TUBGCP2: variants seen among roughly 807,000 people sequenced by gnomAD.
TUBGCP2 encodes gamma-tubulin complex component 2.
A neutral mutation model predicts 92.2 loss-of-function variants in TUBGCP2; 55 were observed. The ratio of observed to expected loss-of-function variants is 0.60; its 90% CI spans 0.48 to 0.75. The LOEUF is 0.75. TUBGCP2 is among the 30% of genes least tolerant of loss of function. The pLI, the probability that TUBGCP2 is intolerant of heterozygous loss-of-function variation, is 0.00. For missense variants in TUBGCP2, 1,093 were observed against 1,188.9 expected (o/e 0.92, Z 1.19); for synonymous variants, 533 against 505.2 (o/e 1.06, Z -0.74).
Position 133,283,236 on chromosome 10 carries a change from C to T in TUBGCP2, c.2146-15G>A. On this transcript the variant is annotated splice_polypyrimidine_tract_variant and intron_variant, in intron 14 of 17. Coordinates refer to ENST00000252936, the MANE Select transcript of TUBGCP2 (RefSeq NM_006659.4). ...ATGTTGGAGGCCTGCGGGGAACAGG[C>T]CAAGCCCCTTCTCAGAAAGACGTGG... 1.2e-6 allele frequency: 2 copies of T among 1,613,748 alleles called. No homozygotes were observed. The highest frequency in any genetic ancestry group is 1.7e-6 in the Non-Finnish European group (2 of 1,179,690).
At position 133,293,059 on chromosome 10, in the gene TUBGCP2, A is replaced by G; in HGVS notation, c.1004T>C (p.Met335Thr). 1 of 1,613,394 alleles carries G rather than the reference A, an allele frequency of 6.2e-7. No individual in the cohort carries two copies. The change falls in exon 7 of 18, where the codon ATG becomes ACG. Residue 335 changes from methionine to threonine, a missense_variant. Coordinates refer to ENST00000252936, the MANE Select transcript of TUBGCP2 (RefSeq NM_006659.4). The stretch of plus-strand genomic sequence containing the variant: ...CGCACCGAGGGAGGCCAGGATGTCC[A>G]TGGTGCGCATGGCTGGCTGGATGTA... ...WFYIQPAMRT[M>T]DILASLATSV...
At chr10:133,284,564 T>C (rs1847081263) in intron 13 of TUBGCP2, among the ~76,000 whole-genome samples, 2 of 152,192 alleles carry the variant, frequency 1.3e-5, no homozygotes, top group Non-Finnish European at 2.9e-5. Flanking sequence ...TCTTGTTACA[T>C]TGTCCAGGCG....
At chr10:133,312,221 CTG>C, upstream of TUBGCP2, 2 of 1,384,680 alleles carry the variant, frequency 1.4e-6, no homozygotes, top group Non-Finnish European at 1.9e-6. Flanking sequence ...CTAGCGTCAC[CTG>C]TGCCGTCTGC....
chr10:133,291,948 TCC>T (rs1191399980), intron 8 of TUBGCP2, among the ~76,000 whole-genome samples: 27 of 18,722 alleles, frequency 1.4e-3, no homozygotes, highest in Admixed American at 2.8e-3. Flanking sequence ...TCCGTGTCCC[TCC>T]GTGTCCCCGT....
chr10:133,311,549 C>T, upstream of TUBGCP2: 1 of 604,522 alleles, frequency 1.7e-6, no homozygotes, highest in Non-Finnish European at 2.9e-6. Flanking sequence ...AATCATTCTC[C>T]TTTTCCCAGT....
At chr10:133,280,002 T>C in intron 17 of TUBGCP2, 101 bp from the exon 18 acceptor site, 1 of 1,503,108 alleles carries the variant, frequency 6.7e-7, no homozygotes, top group South Asian at 1.3e-5. Flanking sequence ...TGCACACCCC[T>C]TCTGCGGGTG....
upstream of TUBGCP2, chr10:133,312,087 T>C: frequency 6.9e-7 from 1 of 1,455,874 alleles, no homozygotes; most frequent in Non-Finnish European, 9.0e-7. Flanking sequence ...TCACTTTTCC[T>C]CATTGTCTGA....
At chr10:133,288,739 C>A in intron 10 of TUBGCP2, 101 bp downstream of exon 10, 1 of 1,329,740 alleles carries the variant, frequency 7.5e-7, no homozygotes, top group African/African-American at 1.5e-5. Context: ...AAAGACAAGG[C>A]GGAGCTGCCA....
intron 8 of TUBGCP2, among the ~76,000 whole-genome samples, chr10:133,291,259 TCCGTGTCCCCCATGTCCCTCCGTGTCC>T (rs1847286323): frequency 1.4e-5 from 1 of 69,142 alleles, no homozygotes; most frequent in South Asian, 3.8e-4. Context: ...CCCATGTCCC[TCCGTGTCCCCCATGTCCCTCCGTGTCC>T]CTGTGTCCCG....
chr10:133,309,137 G>C (rs1847921111), upstream of TUBGCP2: 1 of 1,385,604 alleles, frequency 7.2e-7, no homozygotes, highest in Non-Finnish European at 9.4e-7. Context: ...GTAGGATCCA[G>C]TGGGGCCTAC....
Position 133,279,836 on chromosome 10 carries a change from G to T in TUBGCP2, c.2639C>A (p.Ala880Asp). Residue 880 changes from alanine (A) to aspartate (D), a missense_variant, in exon 18 of 18, where the codon GCC becomes GAC. Around this residue, in one of 3 missense-constraint regions of TUBGCP2, gnomAD observed 598 missense variants for 675.5 expected, o/e 0.89. Transcript: ENST00000252936. Reference protein sequence around the residue: ...ERLSAERSQKATPQVPVLRGP... With the variant: ...ERLSAERSQKDTPQVPVLRGP... ...CCGCAGGACAGGCACTTGGGGGGTG[G>T]CCTTCTGGCTCCTCTCTGCAGACAG... 1 of 1,597,396 alleles carries T rather than the reference G, an allele frequency of 6.3e-7. No individual in the cohort carries two copies. The highest frequency in any genetic ancestry group is 8.5e-7 in the Non-Finnish European group (1 of 1,173,086).
At chr10:133,307,409 A>G (rs1564776006) in intron 1 of TUBGCP2, among the ~76,000 whole-genome samples, 3 of 152,266 alleles carry the variant, frequency 2.0e-5, no homozygotes. Flanking sequence ...CGTGAAAAAG[A>G]GTCTCTGTTG....
chr10:133,283,141 G>A lies in TUBGCP2; in HGVS notation c.2226C>T (p.Pro742=), dbSNP rs375472939. ...GCTTGGAGAAGACCTTCAGCAGCTCGGGGTTGGTGAGCATGCAGTCCTTCA... is the reference window on the plus strand; with the variant it reads ...GCTTGGAGAAGACCTTCAGCAGCTCAGGGTTGGTGAGCATGCAGTCCTTCA... The part of the protein sequence containing the change: ...TCLKDCMLTN[P]ELLKVFSKLM... Residue 742 remains proline (P), a synonymous_variant, in exon 15 of 18, where the codon CCC becomes CCT. Transcript: ENST00000252936. 17 of 1,614,124 alleles carry A rather than the reference G, an allele frequency of 1.1e-5. No homozygotes were observed. Among genetic ancestry groups the A allele is most frequent in the East Asian group, 4.5e-5 (2 of 44,902 alleles).
chr10:133,279,053 C>T lies in TUBGCP2; in HGVS notation c.*713G>A, dbSNP rs976168705. On this transcript the variant is annotated 3_prime_UTR_variant, in exon 18 of 18. Transcript: ENST00000252936. ...GTGGGAAGACAGGGCAGATGATCGCCCGAGGGGGATTGGGTGTCAGTCTGC... is the reference window on the plus strand; with the variant it reads ...GTGGGAAGACAGGGCAGATGATCGCTCGAGGGGGATTGGGTGTCAGTCTGC... 6.6e-6 allele frequency: 1 copy of T among 152,322 alleles called. No homozygotes were observed. Among genetic ancestry groups the T allele is most frequent in the East Asian group, 1.9e-4 (1 of 5,194 alleles). The allele number at this position is 152,322 out of a possible 1,614,324, so 9.4% of individuals were successfully genotyped here.
chr10:133,283,554 C>T (rs937621620), intron 14 of TUBGCP2, among the ~76,000 whole-genome samples: 8 of 152,220 alleles, frequency 5.3e-5, no homozygotes, highest in South Asian at 2.1e-4. Flanking sequence ...CAGAGTCCCC[C>T]TAGGACGGCA....
At chr10:133,287,494 C>A (rs1847159464) in intron 11 of TUBGCP2, among the ~76,000 whole-genome samples, 1 of 152,192 alleles carries the variant, frequency 6.6e-6, no homozygotes, top group Non-Finnish European at 1.5e-5. Flanking sequence ...GTAATCCCAG[C>A]ACTTTGGGAG....
chr10:133,302,441 G>T (rs896703474), intron 2 of TUBGCP2: 3 of 291,240 alleles, frequency 1.0e-5, no homozygotes, highest in Admixed American at 9.6e-5. Context: ...CTGCACCAGA[G>T]GTGGCGCTCA....
intron 1 of TUBGCP2, chr10:133,308,368 G>C (rs1465169589): frequency 6.6e-6 from 1 of 152,288 alleles, no homozygotes; most frequent in Admixed American, 6.5e-5. Context: ...AAGGGCCTTT[G>C]AACTAAAGTA....
intron 16 of TUBGCP2, 191 bp from the exon 17 acceptor site, chr10:133,281,627 C>G: frequency 6.9e-6 from 5 of 727,680 alleles, no homozygotes; most frequent in Non-Finnish European, 1.1e-5. Context: ...ACCCAGCACT[C>G]AGAGAAACAC....
Sources: gnomAD v4.1 joint callset for allele counts (sites outside exome capture counted in the v4.1 genomes callset) on GRCh38, gnomAD v4.1.1 for gene constraint, gnomAD v4.1.1 regional missense constraint, MANE v1.5 for transcripts, NCBI Gene and HGNC (gene_info 2026-07-23, HGNC 2026-07-21) for gene names.